SECISBP2L: variants seen among roughly 807,000 people sequenced by gnomAD.
SECISBP2L encodes the protein selenocysteine insertion sequence-binding protein 2-like.
A neutral mutation model predicts 114.7 loss-of-function variants in SECISBP2L; 43 were observed. The observed-to-expected ratio is 0.38, with a 90% CI of 0.29 to 0.48. SECISBP2L has a LOEUF of 0.48. SECISBP2L is among the 20% of genes least tolerant of loss of function. The pLI, the probability that SECISBP2L is intolerant of heterozygous loss-of-function variation, is 0.98. For missense variants in SECISBP2L, 1,136 were observed against 1,301.1 expected, an observed-to-expected ratio of 0.87 and a Z score of 1.95; for synonymous variants, 451 against 439.7, an observed-to-expected ratio of 1.03 and a Z score of -0.32.
intron 14 of SECISBP2L, among the ~76,000 whole-genome samples, chr15:49,006,413 T>G (rs1236418828): frequency 1.3e-5 from 2 of 152,196 alleles, no homozygotes; most frequent in Admixed American, 6.5e-5. Flanking sequence ...TCTTTTCATA[T>G]AGACCCATAT....
At chr15:49,019,282 T>C (rs922975437) in intron 8 of SECISBP2L, 136 bp downstream of exon 8, 17 of 655,074 alleles carry the variant, frequency 2.6e-5, no homozygotes, top group African/African-American at 3.8e-5. Flanking sequence ...TTAATACTTC[T>C]GAGTAATTTA....
chr15:49,015,344 T>G (rs548621351), intron 11 of SECISBP2L, among the ~76,000 whole-genome samples: 1 of 152,320 alleles, frequency 6.6e-6, no homozygotes, highest in African/African-American at 2.4e-5. Context: ...AAGCTTTATA[T>G]ACATTCAGTA....
intron 3 of SECISBP2L, among the ~76,000 whole-genome samples, chr15:49,034,845 G>A (rs1902972997): frequency 1.3e-5 from 2 of 151,850 alleles, no homozygotes; most frequent in Admixed American, 1.3e-4. Flanking sequence ...TGTATTTTTG[G>A]TAGAGATGGG....
intron 7 of SECISBP2L, among the ~76,000 whole-genome samples, chr15:49,023,995 T>C (rs1902692006): frequency 6.6e-6 from 1 of 152,158 alleles, no homozygotes; most frequent in Non-Finnish European, 1.5e-5. Flanking sequence ...TTCAACCTAT[T>C]CCATAAAATA....
At chr15:48,999,755 C>G in intron 16 of SECISBP2L, 78 bp downstream of exon 16, 2 of 1,475,626 alleles carry the variant, frequency 1.4e-6, no homozygotes, top group East Asian at 2.3e-5. Flanking sequence ...AAACATAACA[C>G]TGGCATATGT....
chr15:48,997,520 A>G (rs764128017), intron 16 of SECISBP2L, among the ~76,000 whole-genome samples: 29 of 152,244 alleles, frequency 1.9e-4, no homozygotes, highest in Non-Finnish European at 3.8e-4. Context: ...TGAAACAAAC[A>G]TAGGAACAAA....
rs1054377374 is a variant in SECISBP2L at position 49,030,470 on chromosome 15, C to T, written c.665-1788G>A. 8.5e-5 allele frequency among the ~76,000 whole-genome samples: 13 copies of T among 152,304 alleles called. No homozygotes were observed. In the East Asian group the frequency reaches 9.6e-4, roughly 11 times the overall value. The stretch of plus-strand genomic sequence containing the variant: ...TTCAGCCTGCTAGCACAGTGTTCCA[C>T]GGGCCCCAAGGACAGGGTGGGATCA... On this transcript the variant is annotated intron_variant, in intron 4 of 17. Transcript: ENST00000559471.
At chr15:49,013,144 T>C (rs1325365050) in intron 11 of SECISBP2L, 1 of 211,518 alleles carries the variant, frequency 4.7e-6, no homozygotes, top group Non-Finnish European at 9.3e-6. Flanking sequence ...TTCACAATGC[T>C]GCACCCCTTC....
intron 3 of SECISBP2L, among the ~76,000 whole-genome samples, chr15:49,034,669 GTT>G (rs58267682): frequency 7.6e-6 from 1 of 132,124 alleles, no homozygotes; most frequent in Admixed American, 7.8e-5. Context: ...TATATCTTTT[GTT>G]TTTTTTTTTT....
At chr15:49,036,028 G>A (rs552340660) in intron 2 of SECISBP2L, among the ~76,000 whole-genome samples, 63 of 152,138 alleles carry the variant, frequency 4.1e-4, no homozygotes, top group Non-Finnish European at 7.6e-4. Context: ...GTACACAACC[G>A]TGACAGCCTT....
rs550037004 is a variant in SECISBP2L, at chr15:49,046,240, C to A, written c.24+36G>T. The A allele has an allele frequency of 7.0e-6, 11 of 1,571,806 alleles. No homozygotes were observed. The South Asian group carries it at 1.0e-4, about 15-fold the overall frequency. On this transcript the variant is annotated intron_variant, in intron 1 of 17. Coordinates refer to ENST00000559471, the MANE Select transcript of SECISBP2L (RefSeq NM_001193489.2). Reference sequence around the variant, plus strand: ...GCCTGTGAGGAAGCGGCGACCCCAACCCCCGGCTCGGCGGGCCCAGCCCAA... The same window carrying A: ...GCCTGTGAGGAAGCGGCGACCCCAAACCCCGGCTCGGCGGGCCCAGCCCAA...
intron 7 of SECISBP2L, among the ~76,000 whole-genome samples, chr15:49,021,151 AC>A (rs1313761372): frequency 6.6e-6 from 1 of 152,092 alleles, no homozygotes; most frequent in Non-Finnish European, 1.5e-5. Flanking sequence ...CACCCCTTCT[AC>A]CACATAAGGA....
chr15:49,018,688 G>C (rs1322307256), intron 8 of SECISBP2L, among the ~76,000 whole-genome samples: 1 of 152,178 alleles, frequency 6.6e-6, no homozygotes. Context: ...AGTTACCGGA[G>C]ATGTGTGGTG....
intron 14 of SECISBP2L, among the ~76,000 whole-genome samples, chr15:49,002,326 G>C (rs1902229930): frequency 6.6e-6 from 1 of 152,132 alleles, no homozygotes; most frequent in African/African-American, 2.4e-5. Flanking sequence ...ATTTGTTTAA[G>C]TTCTTTGTAG....
intron 1 of SECISBP2L, among the ~76,000 whole-genome samples, chr15:49,043,160 C>T (rs1054404539): frequency 4.6e-5 from 7 of 152,048 alleles, no homozygotes; most frequent in East Asian, 1.9e-4. Context: ...TATATCCTTA[C>T]GTAAGGGCCA....
At chr15:49,017,966 A>G (rs1017974137) in intron 8 of SECISBP2L, among the ~76,000 whole-genome samples, 11 of 152,304 alleles carry the variant, frequency 7.2e-5, no homozygotes, top group Non-Finnish European at 1.5e-4. Context: ...AGTGTTTAAC[A>G]GACAGCTTCA....
chr15:48,992,541 A>C lies in SECISBP2L; in HGVS notation c.3009T>G (p.Thr1003=). The C allele has an allele frequency of 1.2e-6, 2 of 1,614,176 alleles. No individual in the cohort carries two copies. Among genetic ancestry groups the C allele is most frequent in the Non-Finnish European group, 1.7e-6 (2 of 1,180,042 alleles). ...DEDEEEEEDY[T]HEPISVEVQL... is the part of the protein sequence containing the mutation. ...GCACTTCTACAGATATGGGTTCATG[A>C]GTATAATCTTCCTCCTCCTCCTCAT... is the stretch of plus-strand genomic sequence containing the variant. Residue 1003 remains threonine (T), a synonymous_variant, in exon 18 of 18, where the codon ACT becomes ACG. Coordinates refer to ENST00000559471, the MANE Select transcript of SECISBP2L (RefSeq NM_001193489.2).
At chr15:49,027,128 TATAAA>T (rs1436577083) in intron 7 of SECISBP2L, among the ~76,000 whole-genome samples, 1 of 152,222 alleles carries the variant, frequency 6.6e-6, no homozygotes, top group African/African-American at 2.4e-5. Context: ...TTTTTTAACA[TATAAA>T]ATATTTAAAT....
chr15:49,028,441 G>A lies in SECISBP2L; in HGVS notation c.894+12C>T, dbSNP rs759179036. 13 of 1,609,412 alleles carry A rather than the reference G, an allele frequency of 8.1e-6. No individual in the cohort carries two copies. Among genetic ancestry groups the A allele is most frequent in the East Asian group, 2.2e-5 (1 of 44,866 alleles). ...CAATGACCAATAAAGAAATCAAGACGATGTCACATACATTCATGGTCCCAG... is the reference window on the plus strand; with the variant it reads ...CAATGACCAATAAAGAAATCAAGACAATGTCACATACATTCATGGTCCCAG... On this transcript the variant is annotated intron_variant, in intron 5 of 17. Coordinates refer to ENST00000559471, the MANE Select transcript of SECISBP2L (RefSeq NM_001193489.2).
Sources: gnomAD v4.1 joint callset for allele counts (sites outside exome capture counted in the v4.1 genomes callset) on GRCh38, gnomAD v4.1.1 for gene constraint, MANE v1.5 for transcripts, NCBI Gene and HGNC (gene_info 2026-07-23, HGNC 2026-07-21) for gene names.